Variants in LTBP1 observed in about 807,000 individuals in gnomAD.
The protein encoded by LTBP1 is latent transforming growth factor beta binding protein 1, also known as latent-transforming growth factor beta-binding protein 1.
A neutral mutation model predicts 207.6 loss-of-function variants in LTBP1; 129 were observed. The ratio of observed to expected loss-of-function variants is 0.62; its 90% confidence interval spans 0.54 to 0.72. The LOEUF is 0.72. Ranked by LOEUF, LTBP1 falls within the 30% of genes least tolerant of loss-of-function variation. The probability of loss-of-function intolerance (pLI) is 0.00; values close to 1 mark genes in which losing one functional copy is unlikely to be tolerated. For missense variants in LTBP1, 2,281 were observed against 2,217.2 expected (o/e 1.03, Z -0.58); for synonymous variants, 963 against 833.7 (o/e 1.16, Z -2.67).
intron 7 of LTBP1, among the ~76,000 whole-genome samples, chr2:33,198,266 T>C (rs1255823015): frequency 4.8e-4 from 73 of 152,346 alleles, no homozygotes; most frequent in African/African-American, 1.4e-3. Flanking sequence ...TCATGGTGGA[T>C]AAGCTTTTTG....
chr2:33,264,325 G>C (rs1306491089), intron 15 of LTBP1, among the ~76,000 whole-genome samples: 1 of 151,708 alleles, frequency 6.6e-6, no homozygotes, highest in African/African-American at 2.4e-5. Flanking sequence ...TACAAACACG[G>C]AAAAAGAAAG....
At chr2:33,108,698 A>T (rs1449889544) in intron 3 of LTBP1, among the ~76,000 whole-genome samples, 2 of 152,134 alleles carry the variant, frequency 1.3e-5, no homozygotes, top group African/African-American at 4.8e-5. Flanking sequence ...TAGCCTGTAC[A>T]TCTCTCAGCG....
chr2:33,115,037 T>TATATAC (rs869158793), intron 4 of LTBP1, among the ~76,000 whole-genome samples: 24 of 145,268 alleles, frequency 1.7e-4, no homozygotes, highest in African/African-American at 5.7e-4. Context: ...AACAGATATA[T>TATATAC]ACACACACAC....
At chr2:33,223,111 C>T (rs1234454404) in intron 9 of LTBP1, among the ~76,000 whole-genome samples, 1 of 152,174 alleles carries the variant, frequency 6.6e-6, no homozygotes, top group Non-Finnish European at 1.5e-5. Context: ...GGTCATGTTA[C>T]AGAGTATAGG....
chr2:33,383,420 C>A (rs893739539), intron 31 of LTBP1, among the ~76,000 whole-genome samples: 1 of 152,326 alleles, frequency 6.6e-6, no homozygotes, highest in South Asian at 2.1e-4. Flanking sequence ...TCATTTCATT[C>A]TCTTTATCTC....
intron 3 of LTBP1, among the ~76,000 whole-genome samples, chr2:33,022,776 G>A (rs1456708239): frequency 6.6e-6 from 1 of 152,178 alleles, no homozygotes; most frequent in East Asian, 1.9e-4. Flanking sequence ...TGCCATGGTA[G>A]CACAAAAGCA....
intron 4 of LTBP1, among the ~76,000 whole-genome samples, chr2:33,128,884 A>G (rs1046181583): frequency 2.0e-5 from 3 of 152,196 alleles, no homozygotes; most frequent in African/African-American, 7.2e-5. Flanking sequence ...CAGTCACAGC[A>G]TTTCAAATAC....
chr2:33,192,776 G>A (rs1244355492), intron 7 of LTBP1, among the ~76,000 whole-genome samples: 1 of 152,160 alleles, frequency 6.6e-6, no homozygotes, highest in Non-Finnish European at 1.5e-5. Context: ...TGTTTTAGAG[G>A]CTGTGAAGTT....
intron 31 of LTBP1, among the ~76,000 whole-genome samples, chr2:33,381,866 G>A (rs749568148): frequency 4.6e-5 from 7 of 152,058 alleles, no homozygotes; most frequent in Non-Finnish European, 8.8e-5. Flanking sequence ...CTTGGGCAAG[G>A]CAAGTTATGC....
intron 5 of LTBP1, among the ~76,000 whole-genome samples, chr2:33,154,805 A>G (rs2083828505): frequency 6.6e-6 from 1 of 152,176 alleles, no homozygotes; most frequent in Non-Finnish European, 1.5e-5. Flanking sequence ...GTTCACACTT[A>G]TAATCCTAGC....
At chr2:33,158,448 A>G (rs945136614) in intron 5 of LTBP1, among the ~76,000 whole-genome samples, 1 of 152,162 alleles carries the variant, frequency 6.6e-6, no homozygotes, top group Non-Finnish European at 1.5e-5. Flanking sequence ...AATGATGGAC[A>G]TCACAGTTCT....
chr2:33,315,341 G>C (rs2094253638), intron 24 of LTBP1, 72 bp downstream of exon 24: 6 of 1,572,316 alleles, frequency 3.8e-6, no homozygotes, highest in Non-Finnish European at 5.2e-6. Context: ...CTTATACAAA[G>C]ACTTGAAGAC....
At chr2:33,302,883 T>A (rs1201994701) in intron 22 of LTBP1, among the ~76,000 whole-genome samples, 1 of 151,502 alleles carries the variant, frequency 6.6e-6, no homozygotes, top group Non-Finnish European at 1.5e-5. Flanking sequence ...GCCAACATGC[T>A]GAAACCCCGT....
At chr2:32,975,151 A>T (rs449515) in intron 2 of LTBP1, among the ~76,000 whole-genome samples, 71,452 of 152,022 alleles carry the variant, frequency 0.47, 18,819 homozygotes, top group East Asian at 0.69. Flanking sequence ...GTTTGGCTGG[A>T]TATAAAACTC....
rs191359592 is a variant in LTBP1 at position 33,074,732 on chromosome 2, T to C, written c.864-35850T>C. Among the ~76,000 whole-genome samples, 467 of 152,276 alleles carry C rather than the reference T, an allele frequency of 3.1e-3. 3 individuals are homozygous for C. Among genetic ancestry groups the C allele is most frequent in the Non-Finnish European group, 4.6e-3 (314 of 68,008 alleles). On this transcript the variant is annotated intron_variant, in intron 3 of 33. Coordinates refer to ENST00000404816, the MANE Select transcript of LTBP1 (RefSeq NM_206943.4). ...AAAAATACAAAAAATTAGCCAGGCATGGTGGCAGTCGCCTGTAGTCCCTGC... is the reference window on the plus strand; with the variant it reads ...AAAAATACAAAAAATTAGCCAGGCACGGTGGCAGTCGCCTGTAGTCCCTGC...
chr2:33,393,916 A>T (rs2095337898), intron 32 of LTBP1, among the ~76,000 whole-genome samples: 1 of 151,938 alleles, frequency 6.6e-6, no homozygotes, highest in East Asian at 1.9e-4. Flanking sequence ...CAACAGTGTA[A>T]AAGTGTTCCT....
At chr2:32,969,913 T>C (rs568574215) in intron 2 of LTBP1, among the ~76,000 whole-genome samples, 1 of 152,336 alleles carries the variant, frequency 6.6e-6, no homozygotes, top group South Asian at 2.1e-4. Context: ...TCCCTTTTTT[T>C]CTGCAGCTTC....
intron 4 of LTBP1, among the ~76,000 whole-genome samples, chr2:33,123,938 G>A (rs2081294144): frequency 6.6e-6 from 1 of 152,114 alleles, no homozygotes; most frequent in African/African-American, 2.4e-5. Context: ...TTGAAAAAAA[G>A]TACCACTTTA....
At chr2:33,269,723 A>C (rs1251625765) in intron 15 of LTBP1, among the ~76,000 whole-genome samples, 1 of 152,190 alleles carries the variant, frequency 6.6e-6, no homozygotes, top group East Asian at 1.9e-4. Flanking sequence ...TTGCATGCCG[A>C]TGTGTGAGTG....
Sources: allele counts gnomAD v4.1 joint callset (sites outside exome capture counted in the v4.1 genomes callset), GRCh38; gene constraint gnomAD v4.1.1; transcripts MANE v1.5; gene names NCBI Gene and HGNC (gene_info 2026-07-23, HGNC 2026-07-21).